Variants in METAP2 observed in about 807,000 individuals in gnomAD.
METAP2 encodes the protein methionyl aminopeptidase 2.
METAP2 carries 25 observed loss-of-function variants against 59.4 expected under a neutral mutation model. The ratio of observed to expected loss-of-function variants is 0.42; its 90% CI spans 0.31 to 0.59. The LOEUF is 0.59. METAP2 is among the 20% of genes least tolerant of loss of function. The pLI is 0.16. For synonymous variants in METAP2, 214 were observed against 194.1 expected (o/e 1.10, Z -0.85); for missense variants, 366 against 581.2 (o/e 0.63, Z 3.81).
At chr12:95,484,803 A>T (rs1323394558) in intron 3 of METAP2, 2 of 430,182 alleles carry the variant, frequency 4.6e-6, no homozygotes, top group Non-Finnish European at 9.2e-6. Flanking sequence ...TGTGCAAATA[A>T]TTTTTTTTTA....
At chr12:95,479,007 A>G (rs2076140321) in intron 2 of METAP2, among the ~76,000 whole-genome samples, 1 of 152,192 alleles carries the variant, frequency 6.6e-6, no homozygotes, top group Non-Finnish European at 1.5e-5. Context: ...AGGGGGCTTC[A>G]GTATGCTACG....
At chr12:95,481,175 A>G (rs2076155806) in intron 2 of METAP2, among the ~76,000 whole-genome samples, 1 of 152,198 alleles carries the variant, frequency 6.6e-6, no homozygotes, top group South Asian at 2.1e-4. Flanking sequence ...GCTCATGCCT[A>G]TAATCCCAGC....
intron 4 of METAP2, among the ~76,000 whole-genome samples, chr12:95,490,636 T>A (rs886914751): frequency 2.0e-5 from 3 of 149,482 alleles, no homozygotes; most frequent in African/African-American, 7.4e-5. Flanking sequence ...ATTTCTGGGC[T>A]CAAATTATCC....
chr12:95,493,945 T>C (rs1451295572), intron 4 of METAP2, 111 bp from the exon 5 acceptor site: 2 of 818,770 alleles, frequency 2.4e-6, no homozygotes, highest in African/African-American at 3.5e-5. Flanking sequence ...TGACATAAAC[T>C]GAATATGTAC....
In METAP2 at chr12:95,476,003, C is replaced by T. The variant is rs1046943591; in HGVS notation, c.152-68C>T. The T allele has an allele frequency of 2.6e-5, 23 of 889,058 alleles. No individual in the cohort carries two copies. The Admixed American group carries it at 3.1e-4, about 12-fold the overall frequency. The allele number at this position is 889,058 out of a possible 1,614,324, so 55.1% of individuals were successfully genotyped here. A position where few individuals can be genotyped will look rare whatever the true frequency, so the allele number is the denominator to read the frequency against. ...AAAGGATTTGTAAGTTTTCCAAGAT[C>T]ATTAGAGCATATTCTAGTGGGAAAG... On this transcript the variant is annotated intron_variant, in intron 1 of 10. Coordinates refer to ENST00000323666, the MANE Select transcript of METAP2 (RefSeq NM_006838.4).
intron 4 of METAP2, among the ~76,000 whole-genome samples, chr12:95,492,523 A>G (rs542176211): frequency 1.3e-5 from 2 of 151,506 alleles, no homozygotes; most frequent in Non-Finnish European, 3.0e-5. Flanking sequence ...AATTTCTTTA[A>G]TTCTGTTTCT....
At chr12:95,510,025 TG>T (rs1388120305) in intron 8 of METAP2, among the ~76,000 whole-genome samples, 2 of 152,046 alleles carry the variant, frequency 1.3e-5, no homozygotes, top group Non-Finnish European at 2.9e-5. Context: ...TTAGTAGAGA[TG>T]GGGTTTCACT....
At chr12:95,482,437 C>T (rs1484855811) in intron 2 of METAP2, among the ~76,000 whole-genome samples, 1 of 152,082 alleles carries the variant, frequency 6.6e-6, no homozygotes, top group Non-Finnish European at 1.5e-5. Flanking sequence ...CTACTGTTCT[C>T]TTCTGCCTGC....
chr12:95,492,742 TAGAGACAGAGTC>T (rs1190010770), intron 4 of METAP2, among the ~76,000 whole-genome samples: 1 of 151,848 alleles, frequency 6.6e-6, no homozygotes, highest in African/African-American at 2.4e-5. Flanking sequence ...TTTTTTTTGG[TAGAGACAGAGTC>T]AGAGACAGAG....
At chr12:95,484,176 C>A (rs2076179339) in intron 3 of METAP2, among the ~76,000 whole-genome samples, 1 of 151,980 alleles carries the variant, frequency 6.6e-6, no homozygotes, top group South Asian at 2.1e-4. Context: ...ATTTTTCAGG[C>A]TAAAATTTTA....
chr12:95,494,201 A>G lies in METAP2; in HGVS notation c.574A>G (p.Thr192Ala), dbSNP rs1001160910. The G allele has an allele frequency of 2.5e-5, 40 of 1,613,008 alleles. No individual in the cohort carries two copies. Among genetic ancestry groups the G allele is most frequent in the Non-Finnish European group, 3.3e-5 (39 of 1,179,498 alleles). Residue 192 changes from threonine (T) to alanine (A), a missense_variant, in exon 5 of 11, where the codon ACA becomes GCA. Transcript: ENST00000323666. Reference protein sequence around the residue: ...YVMSWIKPGMTMIEICEKLED... With the variant: ...YVMSWIKPGMAMIEICEKLED... ...AATGAGCTGGATCAAGCCTGGGATGACAATGATAGAAATCTGGTAAAAGGA... is the reference window on the plus strand; with the variant it reads ...AATGAGCTGGATCAAGCCTGGGATGGCAATGATAGAAATCTGGTAAAAGGA...
At chr12:95,474,799 C>T (rs926466291) in intron 1 of METAP2, among the ~76,000 whole-genome samples, 4 of 152,162 alleles carry the variant, frequency 2.6e-5, no homozygotes, top group African/African-American at 9.7e-5. Flanking sequence ...AGCACACCTC[C>T]TCCCACTATC....
intron 2 of METAP2, among the ~76,000 whole-genome samples, chr12:95,478,589 G>A (rs140215156): frequency 2.0e-5 from 3 of 152,034 alleles, no homozygotes; most frequent in African/African-American, 4.8e-5. Flanking sequence ...TGGAGGTTGC[G>A]CCATTGCACT....
Position 95,474,325 on chromosome 12 carries a change from C to T in METAP2, c.146C>T (p.Ser49Phe). Reference protein sequence around the residue: ...RRKKKKSKGPSAAGEQEPDKE... With the variant: ...RRKKKKSKGPFAAGEQEPDKE... The stretch of plus-strand genomic sequence containing the variant: ...AAGAAGAAGAAGAGCAAAGGGCCTT[C>T]TGCAGGTAAAGAGAGTTTTATGTTT... Residue 49 changes from serine (S) to phenylalanine (F), a missense_variant, in exon 1 of 11, where the codon TCT becomes TTT. By Grantham distance (155) the Ser-to-Phe change is radical. Coordinates refer to ENST00000323666, the MANE Select transcript of METAP2 (RefSeq NM_006838.4). 1 of 1,613,976 alleles carries T rather than the reference C, an allele frequency of 6.2e-7. No homozygotes were observed.
chr12:95,498,581 T>C (rs1197740221), intron 7 of METAP2, among the ~76,000 whole-genome samples: 1 of 152,240 alleles, frequency 6.6e-6, no homozygotes, highest in African/African-American at 2.4e-5. Context: ...ACTTAGGTCT[T>C]TGATCCATTT....
intron 4 of METAP2, among the ~76,000 whole-genome samples, chr12:95,492,738 T>C (rs1027700539): frequency 1.9e-4 from 29 of 151,822 alleles, no homozygotes; most frequent in African/African-American, 6.3e-4. Context: ...CTAATTTTTT[T>C]TGGTAGAGAC....
At chr12:95,494,252 A>C (rs776476167) in intron 5 of METAP2, 35 bp downstream of exon 5, 11 of 1,587,276 alleles carry the variant, frequency 6.9e-6, no homozygotes, top group Non-Finnish European at 8.6e-6. Context: ...AACATGATAA[A>C]AAATGTTTTA....
rs770428790 is a variant in METAP2 at position 95,512,931 on chromosome 12, G to A, written c.1184+15G>A. ...GTGCCAATAAGGTGAGAGACGAGAC[G>A]ATTGATTTTATGTGGCTAATTAGCA... On this transcript the variant is annotated intron_variant, in intron 10 of 10. Coordinates refer to ENST00000323666, the MANE Select transcript of METAP2 (RefSeq NM_006838.4). 25 of 1,468,086 alleles carry A rather than the reference G, an allele frequency of 1.7e-5. No individual in the cohort carries two copies. Among genetic ancestry groups the A allele is most frequent in the Admixed American group, 8.5e-5 (5 of 58,562 alleles). The allele number at this position is 1,468,086 out of a possible 1,614,324, so 90.9% of individuals were successfully genotyped here. A position where few individuals can be genotyped will look rare whatever the true frequency, so the allele number is the denominator to read the frequency against.
intron 2 of METAP2, among the ~76,000 whole-genome samples, chr12:95,477,481 C>A (rs895193590): frequency 2.0e-5 from 3 of 152,270 alleles, no homozygotes; most frequent in East Asian, 3.9e-4. Context: ...AATTCCTTGA[C>A]CCTAGCTCCT....
Sources: allele counts gnomAD v4.1 joint callset (sites outside exome capture counted in the v4.1 genomes callset), GRCh38; gene constraint gnomAD v4.1.1; transcripts MANE v1.5; gene names NCBI Gene and HGNC (gene_info 2026-07-23, HGNC 2026-07-21).